Variants in VCL observed in about 807,000 individuals in gnomAD.
VCL encodes the protein epididymis luminal protein 114.
A neutral mutation model predicts 125.7 loss-of-function variants in VCL; 47 were observed. The ratio of observed to expected loss-of-function variants is 0.37; its 90% CI spans 0.30 to 0.48. VCL has a LOEUF of 0.48. VCL is among the 20% of genes least tolerant of loss of function. VCL has a pLI of 0.99. For synonymous variants in VCL, 458 were observed against 514.6 expected (o/e 0.89, Z 1.49); for missense variants, 1,069 against 1,455.5 (o/e 0.73, Z 4.32).
chr10:74,051,657 A>C, intron 2 of VCL, among the ~76,000 whole-genome samples: 1 of 152,204 alleles, frequency 6.6e-6, no homozygotes, highest in Non-Finnish European at 1.5e-5. Context: ...GTACTTTCTC[A>C]TTCTTCTTTA....
At chr10:74,085,573 A>T (rs1402065308) in intron 8 of VCL, among the ~76,000 whole-genome samples, 2 of 152,330 alleles carry the variant, frequency 1.3e-5, no homozygotes, top group South Asian at 4.1e-4. Flanking sequence ...ATAGTTTGCT[A>T]TTGAGAAAAC....
intron 1 of VCL, among the ~76,000 whole-genome samples, chr10:74,032,589 A>G (rs1195447178): frequency 1.3e-5 from 2 of 151,852 alleles, no homozygotes; most frequent in Non-Finnish European, 2.9e-5. Flanking sequence ...AGTCCCAGCT[A>G]CTTGGGAGGC....
chr10:74,030,294 A>G (rs1017021157), intron 1 of VCL, among the ~76,000 whole-genome samples: 2 of 152,248 alleles, frequency 1.3e-5, no homozygotes, highest in Admixed American at 6.5e-5. Flanking sequence ...CCTAATTGTC[A>G]AGAAAGTCCC....
At chr10:74,021,170 C>A (rs1298507630) in intron 1 of VCL, among the ~76,000 whole-genome samples, 1 of 152,070 alleles carries the variant, frequency 6.6e-6, no homozygotes, top group Admixed American at 6.6e-5. Flanking sequence ...CTTCATGAAG[C>A]TCTTCCCAGG....
chr10:74,118,216 G>T lies in VCL; in HGVS notation c.*47G>T. 6.2e-7 allele frequency: 1 copy of T among 1,612,744 alleles called. No homozygotes were observed. Among genetic ancestry groups the T allele is most frequent in the Admixed American group, 1.7e-5 (1 of 59,892 alleles). On this transcript the variant is annotated 3_prime_UTR_variant, in exon 22 of 22. Coordinates refer to ENST00000211998, the MANE Select transcript of VCL (RefSeq NM_014000.3). ...GCACAGAAACCTCTACTAAAAAGAA[G>T]GAAAATGATCTGAGTCCCAGGAGCT...
chr10:74,035,161 GT>G (rs536307818), intron 1 of VCL, among the ~76,000 whole-genome samples: 7 of 151,784 alleles, frequency 4.6e-5, no homozygotes, highest in African/African-American at 1.5e-4. Context: ...TTGTCTTTCT[GT>G]TTTCTTGTAC....
chr10:74,053,018 A>C (rs1010530386), intron 2 of VCL, among the ~76,000 whole-genome samples: 3 of 150,790 alleles, frequency 2.0e-5, no homozygotes, highest in Non-Finnish European at 3.0e-5. Context: ...ATTTTTGCTC[A>C]TGAGGGACCT....
At position 74,097,238 on chromosome 10, in the gene VCL, A is replaced by G; in HGVS notation, c.1778A>G (p.Gln593Arg). ...GCTCGGATGCAGGAGGCCATGACTC[A>G]GGAAGTGTCAGATGTTTTCAGCGAT... ...LKARMQEAMT[Q>R]EVSDVFSDTT... Residue 593 changes from glutamine (Q) to arginine (R), a missense_variant, in exon 13 of 22, where the codon CAG (glutamine) becomes CGG (arginine). Coordinates refer to ENST00000211998, the MANE Select transcript of VCL (RefSeq NM_014000.3). This position sits in a 1 kb window ranked among gnomAD's most constrained non-coding sequence, Gnocchi z 4.1. The G allele has an allele frequency of 6.2e-7, 1 of 1,614,112 alleles. No homozygotes were observed. The highest frequency in any genetic ancestry group is 1.1e-5 in the South Asian group (1 of 91,080).
chr10:74,031,672 C>T (rs958991543), intron 1 of VCL, among the ~76,000 whole-genome samples: 6 of 152,214 alleles, frequency 3.9e-5, no homozygotes, highest in Admixed American at 1.3e-4. Context: ...GCAATCCCAG[C>T]ACTTTGGGAG....
chr10:74,068,067 T>C (rs1179954783), intron 2 of VCL, among the ~76,000 whole-genome samples: 2 of 152,252 alleles, frequency 1.3e-5, no homozygotes, highest in African/African-American at 4.8e-5. Flanking sequence ...AAAATTTGAA[T>C]TGGTGAGAAG....
chr10:74,033,140 A>C (rs141563644), intron 1 of VCL, among the ~76,000 whole-genome samples: 175 of 152,372 alleles, frequency 1.1e-3, no homozygotes, highest in African/African-American at 4.0e-3. Flanking sequence ...GGTGCCCATC[A>C]ACTGATGAAT....
At position 74,097,154 on chromosome 10, in the gene VCL, T is replaced by C. The variant is rs1027580036; in HGVS notation, c.1744-50T>C. The C allele has an allele frequency of 1.2e-6, 2 of 1,606,162 alleles. No homozygotes were observed. The highest frequency in any genetic ancestry group is 1.7e-6 in the Non-Finnish European group (2 of 1,176,736). On this transcript the variant is annotated intron_variant, in intron 12 of 21. Transcript: ENST00000211998. The surrounding 1 kb of genome is among the most constrained non-coding windows in gnomAD (Gnocchi z 4.1). ...AGTGAAGTAAGGGCATTAGTAGATA[T>C]GCTTTGAGGATGTATCTGGACATTT...
chr10:74,038,895 G>C (rs1381347065), intron 1 of VCL, among the ~76,000 whole-genome samples: 1 of 151,970 alleles, frequency 6.6e-6, no homozygotes, highest in African/African-American at 2.4e-5. Flanking sequence ...CATTGATTTA[G>C]AAGTGATTTT....
chr10:74,075,120 G>T, intron 6 of VCL: 1 of 586,698 alleles, frequency 1.7e-6, no homozygotes. Context: ...TAGGCATGTG[G>T]GGTAGATACT....
intron 14 of VCL, among the ~76,000 whole-genome samples, chr10:74,102,161 G>T (rs1334624913): frequency 6.6e-6 from 1 of 151,826 alleles, no homozygotes; most frequent in Non-Finnish European, 1.5e-5. Context: ...TACTGCGGCC[G>T]GCTTGGATAA....
intron 8 of VCL, among the ~76,000 whole-genome samples, chr10:74,084,360 C>T (rs1254683272): frequency 2.6e-5 from 4 of 151,694 alleles, no homozygotes; most frequent in Non-Finnish European, 4.4e-5. Context: ...GGTGCAATCT[C>T]GGCTCACTGC....
At chr10:74,005,656 A>G (rs565773565) in intron 1 of VCL, among the ~76,000 whole-genome samples, 2 of 152,208 alleles carry the variant, frequency 1.3e-5, no homozygotes, top group East Asian at 1.9e-4. Flanking sequence ...GTCGGTATCC[A>G]TGGGGGATTG....
Position 74,097,089 on chromosome 10 carries a change from A to G in VCL, c.1744-115A>G, listed in dbSNP as rs1839980376. 10 of 1,478,828 alleles carry G rather than the reference A, an allele frequency of 6.8e-6. No individual in the cohort carries two copies. The highest frequency in any genetic ancestry group is 6.5e-6 in the Non-Finnish European group (7 of 1,078,760). The allele number at this position is 1,478,828 out of a possible 1,614,324, so 91.6% of individuals were successfully genotyped here. ...TCAGTGCTTTGTACACAGTTAACAA[A>G]TATTTATTGAATGAAAGACTGAATA... On this transcript the variant is annotated intron_variant, in intron 12 of 21. Coordinates refer to ENST00000211998, the MANE Select transcript of VCL (RefSeq NM_014000.3). This position sits in a 1 kb window ranked among gnomAD's most constrained non-coding sequence, Gnocchi z 4.1.
chr10:74,063,606 G>A (rs1158438327), intron 2 of VCL: 2 of 152,070 alleles, frequency 1.3e-5, no homozygotes, highest in Non-Finnish European at 2.9e-5. Flanking sequence ...TTAGAATTCT[G>A]TACTGCTATA....
Sources: allele counts gnomAD v4.1 joint callset (sites outside exome capture counted in the v4.1 genomes callset), GRCh38; gene constraint gnomAD v4.1.1; non-coding constraint Gnocchi (gnomAD v3.1); transcripts MANE v1.5; gene names NCBI Gene and HGNC (gene_info 2026-07-23, HGNC 2026-07-21).